DNAJB2: variants seen among roughly 807,000 people sequenced by gnomAD.
DNAJB2 encodes dnaJ homolog subfamily B member 2.
A neutral mutation model predicts 33.3 loss-of-function variants in DNAJB2; 19 were observed. That is an observed-to-expected ratio of 0.57 (90% confidence interval 0.40 to 0.84). The LOEUF is 0.84. Among genes scored for constraint, DNAJB2 ranks in the 40% least tolerant of loss-of-function variants. The probability of loss-of-function intolerance (pLI) is 0.00; values close to 1 mark genes in which losing one functional copy is unlikely to be tolerated. For missense variants in DNAJB2, 368 were observed against 430.9 expected (o/e 0.85, Z 1.29); for synonymous variants, 172 against 164.6 (o/e 1.04, Z -0.34).
Position 219,285,823 on chromosome 2 carries a change from C to A in DNAJB2, c.*836C>A. The A allele has an allele frequency of 7.1e-7, 1 of 1,416,352 alleles. No homozygotes were observed. The allele number at this position is 1,416,352 out of a possible 1,614,324, so 87.7% of individuals were successfully genotyped here. ...GAGGTGGGATAGGACCGGGGGACCC[C>A]AGAGGGAGGCCTAGGAGGGGACTGC... On this transcript the variant is annotated 3_prime_UTR_variant, in exon 9 of 9. Coordinates refer to ENST00000336576, the MANE Select transcript of DNAJB2 (RefSeq NM_006736.6).
chr2:219,280,340 G>T (rs887650736), intron 2 of DNAJB2, among the ~76,000 whole-genome samples: 4 of 152,210 alleles, frequency 2.6e-5, no homozygotes, highest in African/African-American at 9.7e-5. Context: ...CTAGGGAGGG[G>T]CTAGGGACCC....
At position 219,279,552 on chromosome 2, in the gene DNAJB2, C is replaced by G. The variant is rs1450520313; in HGVS notation, c.-37+34C>G. On this transcript the variant is annotated intron_variant, in intron 1 of 8. Transcript: ENST00000336576. This position sits in a 1 kb window ranked among gnomAD's most constrained non-coding sequence, Gnocchi z 4.9. ...GGGGGCCCGGGTCAGGCTGGGGGCCCTGGATCGGACTGCTGGAGTTGGGGG... is the reference window on the plus strand; with the variant it reads ...GGGGGCCCGGGTCAGGCTGGGGGCCGTGGATCGGACTGCTGGAGTTGGGGG... 2.5e-6 allele frequency: 1 copy of G among 405,462 alleles called. No individual in the cohort carries two copies. The highest frequency in any genetic ancestry group is 4.5e-6 in the Non-Finnish European group (1 of 222,506). The allele number at this position is 405,462 out of a possible 1,614,324, so 25.1% of individuals were successfully genotyped here.
At position 219,280,704 on chromosome 2, in the gene DNAJB2, G is replaced by A. The variant is rs774489758; in HGVS notation, c.175+17G>A. ...TGTCTGACAGTAAGGGCCGGGGTCA[G>A]GCAGGACCCAGCACATCACCCCCTA... On this transcript the variant is annotated intron_variant, in intron 3 of 8. Coordinates refer to ENST00000336576, the MANE Select transcript of DNAJB2 (RefSeq NM_006736.6). The A allele has an allele frequency of 4.4e-6, 7 of 1,577,578 alleles. No homozygotes were observed. The South Asian group carries it at 6.7e-5, about 15-fold the overall frequency.
chr2:219,279,695 C>T lies in DNAJB2; in HGVS notation c.-36-103C>T, dbSNP rs981297567. 1 of 863,818 alleles carries T rather than the reference C, an allele frequency of 1.2e-6. No homozygotes were observed. Among genetic ancestry groups the T allele is most frequent in the Admixed American group, 2.4e-5 (1 of 41,282 alleles). The allele number at this position is 863,818 out of a possible 1,614,324, so 53.5% of individuals were successfully genotyped here. A position where few individuals can be genotyped will look rare whatever the true frequency, so the allele number is the denominator to read the frequency against. Reference sequence around the variant, plus strand: ...GGCCGCAAGCAGAGCCCGGTGTGCTCCGCTTCCAACTGGGAGCGCCTTCCG... The same window carrying T: ...GGCCGCAAGCAGAGCCCGGTGTGCTTCGCTTCCAACTGGGAGCGCCTTCCG... On this transcript the variant is annotated intron_variant, in intron 1 of 8. Transcript: ENST00000336576. The surrounding 1 kb of genome is among the most constrained non-coding windows in gnomAD (Gnocchi z 4.9).
Position 219,279,976 on chromosome 2 carries a change from G to A in DNAJB2, c.65+78G>A. 2 of 1,522,988 alleles carry A rather than the reference G, an allele frequency of 1.3e-6. No individual in the cohort carries two copies. Among genetic ancestry groups the A allele is most frequent in the Non-Finnish European group, 1.8e-6 (2 of 1,104,350 alleles). 94.3% of individuals were successfully genotyped at this position (1,522,988 alleles called of 1,614,324 possible). The stretch of plus-strand genomic sequence containing the variant: ...CATGGGGCACTTCAGAGTGACACCT[G>A]TAGGTGTCTGAGGGAACCAGGTCGT... On this transcript the variant is annotated intron_variant, in intron 2 of 8. Transcript: ENST00000336576. This position sits in a 1 kb window ranked among gnomAD's most constrained non-coding sequence, Gnocchi z 4.9.
chr2:219,284,202 C>G, intron 8 of DNAJB2, among the ~76,000 whole-genome samples: 1 of 152,186 alleles, frequency 6.6e-6, no homozygotes, highest in South Asian at 2.1e-4. Context: ...ACTTCAGCCC[C>G]CTGTGTAGCT....
In DNAJB2 at chr2:219,284,859, C is replaced by T. The variant is rs769473223; in HGVS notation, c.847C>T (p.Arg283Trp). The T allele has an allele frequency of 1.5e-5, 24 of 1,609,780 alleles. No homozygotes were observed. The highest frequency in any genetic ancestry group is 8.0e-5 in the African/African-American group (6 of 74,910). Residue 283 changes from arginine (R) to tryptophan (W), a missense_variant, in exon 9 of 9, where the codon CGG (arginine) becomes TGG (tryptophan). Coordinates refer to ENST00000336576, the MANE Select transcript of DNAJB2 (RefSeq NM_006736.6). ...AGGTGGGCGGGAGGCACAGCACCGACGGCAGGGGCGGCCCAAGGCCCAGCA... is the reference window on the plus strand; with the variant it reads ...AGGTGGGCGGGAGGCACAGCACCGATGGCAGGGGCGGCCCAAGGCCCAGCA... ...PAGGREAQHR[R>W]QGRPKAQHQD...
At position 219,284,657 on chromosome 2, in the gene DNAJB2, C is replaced by T. The variant is rs1420047666; in HGVS notation, c.645C>T (p.Gly215=). 3.8e-6 allele frequency: 6 copies of T among 1,598,720 alleles called. No homozygotes were observed. Among genetic ancestry groups the T allele is most frequent in the East Asian group, 4.5e-5 (2 of 44,534 alleles). ...INGVPDDLAL[G]LELSRREQQP... is the part of the protein sequence containing the mutation. ...GTGTCCCAGATGACCTGGCACTGGG[C>T]TTGGAGCTGAGCCGTCGCGAGCAGC... The change falls in exon 9 of 9, where the codon GGC becomes GGT. Residue 215 remains glycine (G), a synonymous_variant. Coordinates refer to ENST00000336576, the MANE Select transcript of DNAJB2 (RefSeq NM_006736.6).
In DNAJB2 at chr2:219,280,618, C is replaced by T. The variant is rs755728990; in HGVS notation, c.106C>T (p.Pro36Ser). Residue 36 changes from proline to serine, a missense_variant, in exon 3 of 9, where the codon CCA becomes TCA. Transcript: ENST00000336576. Reference sequence around the variant, plus strand: ...TCTCCAGTGGCACCCAGACAAAAACCCAGATAATAAAGAGTTTGCTGAGAA... The same window carrying T: ...TCTCCAGTGGCACCCAGACAAAAACTCAGATAATAAAGAGTTTGCTGAGAA... The part of the protein sequence containing the change: ...KALQWHPDKN[P>S]DNKEFAEKKF... 1 of 1,613,962 alleles carries T rather than the reference C, an allele frequency of 6.2e-7. No homozygotes were observed. Among genetic ancestry groups the T allele is most frequent in the Non-Finnish European group, 8.5e-7 (1 of 1,180,008 alleles).
chr2:219,281,025 CTG>C, intron 3 of DNAJB2: 1 of 288,380 alleles, frequency 3.5e-6, no homozygotes, highest in South Asian at 5.9e-5. Flanking sequence ...GGCAAGGAAA[CTG>C]AGGCTGAGAG....
intron 7 of DNAJB2, 58 bp downstream of exon 7, chr2:219,283,293 A>T: frequency 6.2e-7 from 1 of 1,611,324 alleles, no homozygotes; most frequent in African/African-American, 1.3e-5. Context: ...AGCTGTGTTC[A>T]AATAGAAAGT....
chr2:219,279,585 T>A lies in DNAJB2; in HGVS notation c.-37+67T>A. ...GACTGCTGGAGTTGGGGGGCCCCGATAGGGCTCCTGGGCCTGGGCGTCGAG... is the reference window on the plus strand; with the variant it reads ...GACTGCTGGAGTTGGGGGGCCCCGAAAGGGCTCCTGGGCCTGGGCGTCGAG... On this transcript the variant is annotated intron_variant, in intron 1 of 8. Coordinates refer to ENST00000336576, the MANE Select transcript of DNAJB2 (RefSeq NM_006736.6). The surrounding 1 kb of genome is among the most constrained non-coding windows in gnomAD (Gnocchi z 4.9). The A allele has an allele frequency of 2.0e-6, 1 of 499,146 alleles. No homozygotes were observed. The highest frequency in any genetic ancestry group is 3.7e-5 in the East Asian group (1 of 27,138). 30.9% of individuals were successfully genotyped at this position (499,146 alleles called of 1,614,324 possible). A position where few individuals can be genotyped will look rare whatever the true frequency, so the allele number is the denominator to read the frequency against.
intron 8 of DNAJB2, 63 bp downstream of exon 8, chr2:219,283,552 C>T (rs1951926623): frequency 4.6e-6 from 7 of 1,506,108 alleles, no homozygotes; most frequent in East Asian, 2.4e-5. Flanking sequence ...TCAGCAGCCT[C>T]CTCCCCAAAC....
At chr2:219,283,378 T>G (rs371203834) in intron 7 of DNAJB2, 41 bp from the exon 8 acceptor site, 1 of 1,611,330 alleles carries the variant, frequency 6.2e-7, no homozygotes. Flanking sequence ...CCTGCAGGAT[T>G]CTGTCACTGC....
In DNAJB2 at chr2:219,282,032, G is replaced by A; in HGVS notation, c.323G>A (p.Gly108Glu). 6.2e-7 allele frequency: 1 copy of A among 1,614,174 alleles called. No individual in the cohort carries two copies. The highest frequency in any genetic ancestry group is 8.5e-7 in the Non-Finnish European group (1 of 1,180,026). ...GAGGAGGTCTTCCGGGAATTCTTTG[G>A]GAGTGGAGACCCTTTTGCAGAGCTC... ...SPEEVFREFF[G>E]SGDPFAELFD... is the part of the protein sequence containing the mutation. Residue 108 changes from glycine to glutamate, a missense_variant, in exon 5 of 9, where the codon GGG (glycine) becomes GAG (glutamate). Coordinates refer to ENST00000336576, the MANE Select transcript of DNAJB2 (RefSeq NM_006736.6).
chr2:219,285,554 G>T lies in DNAJB2; in HGVS notation c.*567G>T. 1 of 1,025,970 alleles carries T rather than the reference G, an allele frequency of 9.7e-7. No homozygotes were observed. Among genetic ancestry groups the T allele is most frequent in the Non-Finnish European group, 1.2e-6 (1 of 855,898 alleles). The allele number at this position is 1,025,970 out of a possible 1,614,324, so 63.6% of individuals were successfully genotyped here. A position where few individuals can be genotyped will look rare whatever the true frequency, so the allele number is the denominator to read the frequency against. ...TCTGCAACTCCCTGCGGGCCGCATC[G>T]CTTGCTTTCACTGCCGTCTGGCTAG... is the stretch of plus-strand genomic sequence containing the variant. On this transcript the variant is annotated 3_prime_UTR_variant, in exon 9 of 9. Coordinates refer to ENST00000336576, the MANE Select transcript of DNAJB2 (RefSeq NM_006736.6).
chr2:219,282,924 AC>A lies in DNAJB2; in HGVS notation c.441del (p.Ser148ProfsTer53). The A allele has an allele frequency of 6.3e-7, 1 of 1,597,618 alleles. No individual in the cohort carries two copies. The highest frequency in any genetic ancestry group is 8.5e-7 in the Non-Finnish European group (1 of 1,173,710). On this transcript the variant is annotated frameshift_variant, in exon 6 of 9. Transcript: ENST00000336576. LOFTEE classifies it high-confidence loss of function. Reference sequence around the variant, plus strand: ...ACCTTCTCTTCCTCCTTCCCTGGGCACTCCGGTAAGTTCTGCCCCTTCCCAC... The same window carrying A: ...ACCTTCTCTTCCTCCTTCCCTGGGCATCCGGTAAGTTCTGCCCCTTCCCAC... ...FFTFSSSFPGHSDFSSSSFSF... is the reference protein window; with the variant it reads ...FFTFSSSFPGXSDFSSSSFSF...
In DNAJB2 at chr2:219,282,046, T is replaced by C. The variant is rs1349202271; in HGVS notation, c.337T>C (p.Phe113Leu). Residue 113 changes from phenylalanine (F) to leucine (L), a missense_variant, in exon 5 of 9, where the codon TTT becomes CTT. Coordinates refer to ENST00000336576, the MANE Select transcript of DNAJB2 (RefSeq NM_006736.6). ...GGAATTCTTTGGGAGTGGAGACCCT[T>C]TTGCAGAGCTCTTTGGTGAGTGGAC... ...FREFFGSGDP[F>L]AELFDDLGPF... The C allele has an allele frequency of 5.6e-6, 9 of 1,614,140 alleles. No individual in the cohort carries two copies. The highest frequency in any genetic ancestry group is 1.6e-4 in the Middle Eastern group (1 of 6,062).
rs1297314796 is a variant in DNAJB2 at position 219,279,632 on chromosome 2, C to CG, written c.-37+119dup. The stretch of plus-strand genomic sequence containing the variant: ...CGAGATAGCTCTTGGCCCCGGCCTG[C>CG]GGGGGCAGATAAGGCTGCCGGAGGG... On this transcript the variant is annotated intron_variant, in intron 1 of 8. Coordinates refer to ENST00000336576, the MANE Select transcript of DNAJB2 (RefSeq NM_006736.6). This position sits in a 1 kb window ranked among gnomAD's most constrained non-coding sequence, Gnocchi z 4.9. The CG allele has an allele frequency of 5.0e-6, 3 of 596,982 alleles. No individual in the cohort carries two copies. The highest frequency in any genetic ancestry group is 8.8e-6 in the Non-Finnish European group (3 of 340,992). 37.0% of individuals were successfully genotyped at this position (596,982 alleles called of 1,614,324 possible). A position where few individuals can be genotyped will look rare whatever the true frequency, so the allele number is the denominator to read the frequency against.
Sources: allele counts gnomAD v4.1 joint callset (sites outside exome capture counted in the v4.1 genomes callset), GRCh38; gene constraint gnomAD v4.1.1; non-coding constraint Gnocchi (gnomAD v3.1); transcripts MANE v1.5; gene names NCBI Gene and HGNC (gene_info 2026-07-23, HGNC 2026-07-21).